PKNOX2: variants seen among roughly 807,000 people sequenced by gnomAD.
PKNOX2 encodes the protein PBX/knotted 1 homeobox 2.
In PKNOX2, 14 loss-of-function variants were observed where a neutral mutation model predicts 53.1. The observed-to-expected ratio is 0.26, with a 90% CI of 0.17 to 0.41. PKNOX2 has a LOEUF of 0.41. Among genes scored for constraint, PKNOX2 ranks in the 10% least tolerant of loss-of-function variants. The pLI is 1.00. For synonymous variants in PKNOX2, 257 were observed against 242.8 expected, an observed-to-expected ratio of 1.06 and a Z score of -0.54; for missense variants, 496 against 602.8, an observed-to-expected ratio of 0.82 and a Z score of 1.85.
At chr11:125,418,795 G>A (rs1441040926) in intron 10 of PKNOX2, among the ~76,000 whole-genome samples, 1 of 152,060 alleles carries the variant, frequency 6.6e-6, no homozygotes, top group Non-Finnish European at 1.5e-5. Context: ...GGTTGCATCT[G>A]TCCTGAACAT....
intron 3 of PKNOX2, among the ~76,000 whole-genome samples, chr11:125,343,875 C>G (rs1399950291): frequency 6.6e-6 from 1 of 151,986 alleles, no homozygotes; most frequent in Non-Finnish European, 1.5e-5. Context: ...ACTGGGGACT[C>G]AAGGAGGAGA....
At chr11:125,206,191 G>C (rs936187980) in intron 1 of PKNOX2, among the ~76,000 whole-genome samples, 2 of 151,956 alleles carry the variant, frequency 1.3e-5, no homozygotes, top group South Asian at 2.1e-4. Context: ...AGTGGGCGGT[G>C]GGGGGGAGAA....
intron 6 of PKNOX2, among the ~76,000 whole-genome samples, chr11:125,390,469 T>C (rs1455583970): frequency 6.6e-6 from 1 of 152,236 alleles, no homozygotes; most frequent in Non-Finnish European, 1.5e-5. Context: ...AGTGCAACTC[T>C]GAGGAGTCAC....
At chr11:125,297,786 A>G (rs906850176) in intron 2 of PKNOX2, among the ~76,000 whole-genome samples, 7 of 152,172 alleles carry the variant, frequency 4.6e-5, no homozygotes, top group African/African-American at 1.2e-4. Context: ...CTCCCCGCAC[A>G]CTATTTTTAT....
chr11:125,341,154 C>T (rs980760656), intron 3 of PKNOX2, among the ~76,000 whole-genome samples: 5 of 150,734 alleles, frequency 3.3e-5, no homozygotes, highest in Admixed American at 6.6e-5. Context: ...ATCAAGAGAC[C>T]GAGACCAGCC....
intron 9 of PKNOX2, chr11:125,411,516 C>CG (rs1955547318): frequency 2.1e-6 from 1 of 477,968 alleles, no homozygotes; most frequent in African/African-American, 2.0e-5. Context: ...CTCTCCCCCC[C>CG]TTCCCCATCT....
intron 3 of PKNOX2, among the ~76,000 whole-genome samples, chr11:125,334,222 G>A (rs1245532481): frequency 6.6e-6 from 1 of 152,190 alleles, no homozygotes; most frequent in African/African-American, 2.4e-5. Flanking sequence ...GCCTGGTACT[G>A]TAGGAACTCT....
intron 4 of PKNOX2, among the ~76,000 whole-genome samples, chr11:125,367,629 C>T (rs1952260632): frequency 6.6e-6 from 1 of 152,204 alleles, no homozygotes; most frequent in South Asian, 2.1e-4. Context: ...TTTGGATGGC[C>T]TGAAATTGTT....
chr11:125,217,008 AAC>A (rs10571639), intron 1 of PKNOX2, among the ~76,000 whole-genome samples: 34,336 of 146,644 alleles, frequency 0.23, 4,113 homozygotes, highest in East Asian at 0.41. Context: ...ATCCCCTCAA[AAC>A]ACACACACAC....
rs751784454 is a variant in PKNOX2 at position 125,430,099 on chromosome 11, G to A, written c.1150G>A (p.Val384Met). The A allele has an allele frequency of 6.2e-7, 1 of 1,614,056 alleles. No homozygotes were observed. The highest frequency in any genetic ancestry group is 1.1e-5 in the South Asian group (1 of 91,086). Reference sequence around the variant, plus strand: ...CTGGCCCAACTCCATCGCTGCGGGGGTGCTGCAGCAGCAGGGCGGTGCCCC... The same window carrying A: ...CTGGCCCAACTCCATCGCTGCGGGGATGCTGCAGCAGCAGGGCGGTGCCCC... Reference protein sequence around the residue: ...RFWPNSIAAGVLQQQGGAPGT... With the variant: ...RFWPNSIAAGMLQQQGGAPGT... Residue 384 changes from valine to methionine, a missense_variant, in exon 12 of 13, where the codon GTG (valine) becomes ATG (methionine). Physicochemically the swap from Val to Met is conservative, Grantham distance 21. Transcript: ENST00000298282.
intron 3 of PKNOX2, among the ~76,000 whole-genome samples, chr11:125,344,142 C>A (rs1381143377): frequency 6.6e-6 from 1 of 152,284 alleles, no homozygotes; most frequent in South Asian, 2.1e-4. Context: ...CAGAGGGACC[C>A]GGCACCCTCT....
At chr11:125,411,420 A>G in intron 9 of PKNOX2, 3 of 415,848 alleles carry the variant, frequency 7.2e-6, no homozygotes, top group South Asian at 6.4e-5. Flanking sequence ...GCAAATTCAT[A>G]TCTTCTCCTG....
intron 2 of PKNOX2, among the ~76,000 whole-genome samples, chr11:125,246,319 A>G (rs1330399228): frequency 6.6e-6 from 1 of 152,216 alleles, no homozygotes; most frequent in Non-Finnish European, 1.5e-5. Context: ...ACTGGGACAC[A>G]TTCCTGCAAT....
intron 2 of PKNOX2, among the ~76,000 whole-genome samples, chr11:125,296,046 C>T (rs1397168966): frequency 1.3e-5 from 2 of 152,150 alleles, no homozygotes; most frequent in Non-Finnish European, 2.9e-5. Flanking sequence ...CACTCTCCAC[C>T]CCTGGTGTCT....
At chr11:125,342,467 C>A (rs1388510528) in intron 3 of PKNOX2, among the ~76,000 whole-genome samples, 1 of 152,120 alleles carries the variant, frequency 6.6e-6, no homozygotes, top group African/African-American at 2.4e-5. Flanking sequence ...CTCCTGACTG[C>A]CTCAGAGAAG....
chr11:125,286,326 C>T (rs116974763), intron 2 of PKNOX2, among the ~76,000 whole-genome samples: 1 of 152,166 alleles, frequency 6.6e-6, no homozygotes, highest in African/African-American at 2.4e-5. Context: ...TCAAATCATA[C>T]CCTAAAGGTA....
intron 1 of PKNOX2, among the ~76,000 whole-genome samples, chr11:125,220,601 G>GTCA (rs1287475246): frequency 6.6e-6 from 1 of 152,180 alleles, no homozygotes; most frequent in Non-Finnish European, 1.5e-5. Flanking sequence ...ACAATGGCAG[G>GTCA]TCACTGGGGC....
chr11:125,206,179 C>T (rs1939079029), intron 1 of PKNOX2, among the ~76,000 whole-genome samples: 1 of 151,960 alleles, frequency 6.6e-6, no homozygotes, highest in Non-Finnish European at 1.5e-5. Context: ...AGCCTACTGT[C>T]TAGTGGGCGG....
chr11:125,360,152 A>C (rs1209615282), intron 4 of PKNOX2, among the ~76,000 whole-genome samples: 1 of 152,052 alleles, frequency 6.6e-6, no homozygotes, highest in Non-Finnish European at 1.5e-5. Context: ...ATCTCAAAAA[A>C]AAAAAAAAGA....
Sources: allele counts gnomAD v4.1 joint callset (sites outside exome capture counted in the v4.1 genomes callset), GRCh38; gene constraint gnomAD v4.1.1; transcripts MANE v1.5; gene names NCBI Gene and HGNC (gene_info 2026-07-23, HGNC 2026-07-21).